Variants in CD86 observed in about 807,000 individuals in gnomAD.
CD86 encodes CD86 molecule, also known as T-lymphocyte activation antigen CD86.
In CD86, 11 loss-of-function variants were observed where a neutral mutation model predicts 32.1. The ratio of observed to expected loss-of-function variants is 0.34; its 90% CI spans 0.22 to 0.57. The LOEUF is 0.57. Ranked by LOEUF, CD86 falls within the 20% of genes least tolerant of loss-of-function variation. The probability of loss-of-function intolerance (pLI) is 0.86; values close to 1 mark genes in which losing one functional copy is unlikely to be tolerated. For missense variants in CD86, 359 were observed against 398.4 expected (o/e 0.90, Z 0.84); for synonymous variants, 137 against 135.3 (o/e 1.01, Z -0.09).
chr3:122,067,222 G>A (rs13074706), intron 1 of CD86, among the ~76,000 whole-genome samples: 13,121 of 152,238 alleles, frequency 0.086, 583 homozygotes, highest in East Asian at 0.11. Flanking sequence ...GCTGAGAAGC[G>A]TGAACACTAA....
chr3:122,104,931 G>T (rs1311863963), intron 3 of CD86, among the ~76,000 whole-genome samples: 1 of 152,172 alleles, frequency 6.6e-6, no homozygotes. Context: ...TTCTCTAGAG[G>T]AAATACCCAG....
intron 1 of CD86, among the ~76,000 whole-genome samples, chr3:122,065,459 A>G (rs1467147833): frequency 2.0e-5 from 3 of 152,248 alleles, no homozygotes; most frequent in East Asian, 3.8e-4. Flanking sequence ...GAGAATTCAC[A>G]TAAGTTTAGA....
intron 1 of CD86, among the ~76,000 whole-genome samples, chr3:122,055,706 T>G (rs1167774153): frequency 1.3e-5 from 2 of 152,244 alleles, no homozygotes; most frequent in African/African-American, 2.4e-5. Context: ...TAGTTATATA[T>G]ATTTTTAGGT....
intron 1 of CD86, among the ~76,000 whole-genome samples, chr3:122,070,645 C>G (rs2107506807): frequency 6.6e-6 from 1 of 152,282 alleles, no homozygotes; most frequent in East Asian, 1.9e-4. Flanking sequence ...AAAAATTGAT[C>G]TGGCCCTTAG....
intron 1 of CD86, chr3:122,078,018 A>G: frequency 1.0e-6 from 1 of 985,470 alleles, no homozygotes; most frequent in Non-Finnish European, 1.2e-6. Context: ...CTCTTTTTGG[A>G]GCTACAGTGG....
chr3:122,088,916 T>C (rs1167295100), intron 1 of CD86, among the ~76,000 whole-genome samples: 2 of 152,128 alleles, frequency 1.3e-5, no homozygotes, highest in Admixed American at 1.3e-4. Flanking sequence ...AGCCAAAAGG[T>C]GGAAGCAACT....
chr3:122,060,009 A>G (rs984320330), intron 1 of CD86, among the ~76,000 whole-genome samples: 3 of 152,138 alleles, frequency 2.0e-5, no homozygotes, highest in Non-Finnish European at 4.4e-5. Flanking sequence ...GCTTCCAGAA[A>G]AAAAATAAAT....
chr3:122,076,957 C>T (rs1458463879), intron 1 of CD86, among the ~76,000 whole-genome samples: 2 of 152,320 alleles, frequency 1.3e-5, no homozygotes, highest in African/African-American at 4.8e-5. Flanking sequence ...CCTTCCCTTG[C>T]ACCACACGCT....
rs76243581 is a variant in CD86 at position 122,081,755 on chromosome 3, C to T, written c.15-9846C>T. On this transcript the variant is annotated intron_variant, in intron 1 of 6. Coordinates refer to ENST00000330540, the MANE Select transcript of CD86 (RefSeq NM_175862.5). ...TCATCTGCTATAACAGAAATCAACTCGTGCAAGTTCTAACATGCAGGGTAC... is the reference window on the plus strand; with the variant it reads ...TCATCTGCTATAACAGAAATCAACTTGTGCAAGTTCTAACATGCAGGGTAC... Among the ~76,000 whole-genome samples the T allele has an allele frequency of 8.8e-3, 1,335 of 152,270 alleles. 9 individuals carry two copies. The highest frequency in any genetic ancestry group is 0.014 in the Non-Finnish European group (968 of 67,994).
At chr3:122,109,488 T>C (rs1384381927) in intron 5 of CD86, 80 bp downstream of exon 5, 1 of 1,530,904 alleles carries the variant, frequency 6.5e-7, no homozygotes, top group Non-Finnish European at 9.0e-7. Flanking sequence ...CGGAGCTTGT[T>C]GGCTGAGCCT....
At chr3:122,088,182 CTTTTTT>C (rs60476471) in intron 1 of CD86, among the ~76,000 whole-genome samples, 2 of 113,358 alleles carry the variant, frequency 1.8e-5, no homozygotes, top group Non-Finnish European at 3.7e-5. Flanking sequence ...AAAGGGCCCT[CTTTTTT>C]TTTTTTTTTT....
At chr3:122,095,464 C>T (rs2072892974) in intron 2 of CD86, among the ~76,000 whole-genome samples, 1 of 152,160 alleles carries the variant, frequency 6.6e-6, no homozygotes, top group Admixed American at 6.5e-5. Flanking sequence ...TACAGACAGG[C>T]ATGAGCCACT....
In CD86 at chr3:122,120,379, A is replaced by G. The variant is rs1055234044; in HGVS notation, c.*845A>G. 9 of 152,288 alleles carry G rather than the reference A, an allele frequency of 5.9e-5. No individual in the cohort carries two copies. Among genetic ancestry groups the G allele is most frequent in the Non-Finnish European group, 8.8e-5 (6 of 68,094 alleles). The allele number at this position is 152,288 out of a possible 1,614,324, so 9.4% of individuals were successfully genotyped here. ...GGGGAAGCTGTGAAAGAACCAAAAG[A>G]GATCACAATACTCAAAAGAGAGAGA... is the stretch of plus-strand genomic sequence containing the variant. On this transcript the variant is annotated 3_prime_UTR_variant, in exon 7 of 7. Transcript: ENST00000330540.
At chr3:122,086,071 A>C (rs963390992) in intron 1 of CD86, among the ~76,000 whole-genome samples, 1 of 152,148 alleles carries the variant, frequency 6.6e-6, no homozygotes, top group Non-Finnish European at 1.5e-5. Flanking sequence ...TGGAGCCTGC[A>C]TTGTAGTTAT....
intron 2 of CD86, among the ~76,000 whole-genome samples, chr3:122,101,391 G>T (rs1347065226): frequency 6.6e-6 from 1 of 151,328 alleles, no homozygotes; most frequent in East Asian, 2.0e-4. Context: ...GGAAGAGAAA[G>T]CCGTTGTAAT....
chr3:122,112,727 G>A (rs2073194309), intron 5 of CD86, among the ~76,000 whole-genome samples: 1 of 151,864 alleles, frequency 6.6e-6, no homozygotes, highest in Non-Finnish European at 1.5e-5. Context: ...TTTTTGATAT[G>A]GTGACTATTT....
Position 122,056,140 on chromosome 3 carries a change from G to A in CD86, c.14+637G>A, listed in dbSNP as rs374010328. Among the ~76,000 whole-genome samples the A allele has an allele frequency of 5.3e-5, 8 of 152,056 alleles. No individual in the cohort carries two copies. In the South Asian group the frequency reaches 1.5e-3, roughly 28 times the overall value. On this transcript the variant is annotated intron_variant, in intron 1 of 6. Transcript: ENST00000330540. ...TTGGAAAGACATCATCATTCTTTTT[G>A]ACAGATGGGGTAACTGTGGCTTAAA...
chr3:122,103,431 G>A (rs916551151), intron 2 of CD86, 81 bp from the exon 3 acceptor site: 2 of 834,444 alleles, frequency 2.4e-6, no homozygotes, highest in South Asian at 1.7e-5. Flanking sequence ...GATAGTATCT[G>A]GGTATTGTAT....
chr3:122,062,348 A>G (rs1457690776), intron 1 of CD86, among the ~76,000 whole-genome samples: 2 of 152,208 alleles, frequency 1.3e-5, no homozygotes, highest in African/African-American at 2.4e-5. Flanking sequence ...GTACAAGCAG[A>G]CACCCATTCT....
Sources: allele counts gnomAD v4.1 joint callset (sites outside exome capture counted in the v4.1 genomes callset), GRCh38; gene constraint gnomAD v4.1.1; transcripts MANE v1.5; gene names NCBI Gene and HGNC (gene_info 2026-07-23, HGNC 2026-07-21).